The following ROS1 variants were observed in gnomAD, a reference collection of about 807,000 sequenced individuals.
ROS1 encodes ROS proto-oncogene 1, receptor tyrosine kinase, also known as proto-oncogene tyrosine-protein kinase ROS.
A neutral mutation model predicts 273.5 loss-of-function variants in ROS1; 263 were observed. The ratio of observed to expected loss-of-function variants is 0.96; its 90% CI spans 0.87 to 1.06. The LOEUF (loss-of-function observed/expected upper bound fraction) is 1.06, where lower values mean the gene tolerates loss of function less well. Among genes scored for constraint, ROS1 ranks in the 50% least tolerant of loss-of-function variants. The pLI is 0.00. For synonymous variants in ROS1, 1,008 were observed against 954.1 expected, an observed-to-expected ratio of 1.06 and a Z score of -1.04; for missense variants, 2,833 against 2,751.1, an observed-to-expected ratio of 1.03 and a Z score of -0.67.
intron 11 of ROS1, among the ~76,000 whole-genome samples, chr6:117,393,621 G>A (rs139840412): frequency 6.6e-6 from 1 of 152,178 alleles, no homozygotes; most frequent in African/African-American, 2.4e-5. Context: ...CACAGCAATG[G>A]CTGTTGCTTA....
chr6:117,390,858 G>GA (rs1394404893), intron 12 of ROS1, among the ~76,000 whole-genome samples: 1 of 152,000 alleles, frequency 6.6e-6, no homozygotes, highest in Non-Finnish European at 1.5e-5. Context: ...TTTTAATAAT[G>GA]AAAAAGAAAA....
At chr6:117,420,532 T>C (rs1775673033) in intron 1 of ROS1, among the ~76,000 whole-genome samples, 1 of 151,144 alleles carries the variant, frequency 6.6e-6, no homozygotes, top group Admixed American at 6.6e-5. Context: ...TATACATATG[T>C]AACAAAACTG....
At position 117,289,100 on chromosome 6, in the gene ROS1, G is replaced by C. The variant is rs1034109762; in HGVS notation, c.6716-298C>G. On this transcript the variant is annotated intron_variant, in intron 43 of 43. Coordinates refer to ENST00000368507, the MANE Select transcript of ROS1 (RefSeq NM_001378902.1). Reference sequence around the variant, plus strand: ...TATTTTTAAATGTAGTAGGAGCACAGGGGTGATTAACTCTGCCTTAACAAG... The same window carrying C: ...TATTTTTAAATGTAGTAGGAGCACACGGGTGATTAACTCTGCCTTAACAAG... 4.1e-4 allele frequency among the ~76,000 whole-genome samples: 63 copies of C among 152,234 alleles called. 2 individuals are homozygous for C. The highest frequency in any genetic ancestry group is 2.0e-4 in the Admixed American group (3 of 15,294).
chr6:117,318,402 A>T, intron 37 of ROS1, 150 bp from the exon 38 acceptor site: 2 of 625,622 alleles, frequency 3.2e-6, no homozygotes, highest in Non-Finnish European at 2.9e-6. Flanking sequence ...TATTCTACAA[A>T]CCCTTCAAAT....
rs2128623984 is a variant in ROS1, at chr6:117,342,482, C to G, written c.4569G>C (p.Gln1523His). Residue 1523 changes from glutamine to histidine, a missense_variant, in exon 29 of 44, where the codon CAG (glutamine) becomes CAC (histidine). Coordinates refer to ENST00000368507, the MANE Select transcript of ROS1 (RefSeq NM_001378902.1). ...CTGAATAATAATTTTTTACAGCTATCTGTATCATGTATGTTGAAAATGGTT... is the reference window on the plus strand; with the variant it reads ...CTGAATAATAATTTTTTACAGCTATGTGTATCATGTATGTTGAAAATGGTT... ...DLQPFSTYMI[Q>H]IAVKNYYSDP... 1 of 1,604,814 alleles carries G rather than the reference C, an allele frequency of 6.2e-7. No homozygotes were observed. The highest frequency in any genetic ancestry group is 2.2e-5 in the East Asian group (1 of 44,668).
chr6:117,409,456 G>A, intron 5 of ROS1, 126 bp downstream of exon 5: 1 of 709,006 alleles, frequency 1.4e-6, no homozygotes, highest in Non-Finnish European at 2.5e-6. Flanking sequence ...TCTCTAAATA[G>A]ATATTTTTGA....
chr6:117,363,148 G>T (rs1779946189), intron 21 of ROS1, among the ~76,000 whole-genome samples: 1 of 152,076 alleles, frequency 6.6e-6, no homozygotes. Context: ...TTTCTTGTCT[G>T]TGCCTTGTGT....
intron 5 of ROS1, among the ~76,000 whole-genome samples, chr6:117,408,001 G>A (rs551028788): frequency 2.0e-5 from 3 of 152,234 alleles, no homozygotes; most frequent in Admixed American, 2.0e-4. Context: ...GGGAATACTG[G>A]CTAGCCATAT....
intron 16 of ROS1, among the ~76,000 whole-genome samples, chr6:117,384,351 G>A (rs1770657743): frequency 6.6e-6 from 1 of 151,986 alleles, no homozygotes; most frequent in Non-Finnish European, 1.5e-5. Context: ...GTACATCAAT[G>A]GACACACTAA....
Position 117,356,839 on chromosome 6 carries a change from G to T in ROS1, c.3916C>A (p.Arg1306=), listed in dbSNP as rs1008170196. ...YYSIISHTLH[R]ILQPTATNQQ... ...TTTGTAGCTGTGGGTTGCAGAATTC[G>T]GTGCAAGGTGTGACTGATAATACTG... The change falls in exon 26 of 44, where the codon CGA becomes AGA. Residue 1306 remains arginine (R), a synonymous_variant. Coordinates refer to ENST00000368507, the MANE Select transcript of ROS1 (RefSeq NM_001378902.1). The T allele has an allele frequency of 1.2e-6, 2 of 1,613,906 alleles. No individual in the cohort carries two copies. Among genetic ancestry groups the T allele is most frequent in the Non-Finnish European group, 8.5e-7 (1 of 1,179,986 alleles).
intron 43 of ROS1, among the ~76,000 whole-genome samples, chr6:117,295,833 G>C (rs1057067472): frequency 6.6e-6 from 1 of 152,138 alleles, no homozygotes; most frequent in Admixed American, 6.5e-5. Context: ...TGAAAAGACA[G>C]GCAAGACAAA....
intron 18 of ROS1, among the ~76,000 whole-genome samples, chr6:117,369,371 A>T (rs1171135114): frequency 6.6e-6 from 1 of 152,188 alleles, no homozygotes; most frequent in Non-Finnish European, 1.5e-5. Flanking sequence ...TAAAGAAACC[A>T]GCTCTCCCTG....
intron 43 of ROS1, 62 bp from the exon 44 acceptor site, chr6:117,288,864 C>G (rs1238164979): frequency 7.7e-7 from 1 of 1,299,680 alleles, no homozygotes. Flanking sequence ...TAATAATATA[C>G]AAGCTATATC....
At chr6:117,328,701 T>C in intron 33 of ROS1, 3 of 609,374 alleles carry the variant, frequency 4.9e-6, no homozygotes, top group Non-Finnish European at 9.8e-6. Context: ...TCCCCTCAAG[T>C]TGGCATGAAA....
At chr6:117,378,036 G>A (rs1227797678) in intron 18 of ROS1, among the ~76,000 whole-genome samples, 4 of 152,184 alleles carry the variant, frequency 2.6e-5, no homozygotes, top group Admixed American at 2.6e-4. Flanking sequence ...GCCAACTGTT[G>A]AGAGGATATG....
At chr6:117,372,735 G>A (rs1321976208) in intron 18 of ROS1, among the ~76,000 whole-genome samples, 2 of 152,204 alleles carry the variant, frequency 1.3e-5, no homozygotes, top group African/African-American at 2.4e-5. Flanking sequence ...TAGACCTTCA[G>A]GGTAAGTGTT....
chr6:117,352,463 C>T lies in ROS1; in HGVS notation c.4303+527G>A, dbSNP rs116335686. ...ATAACACTAAAAACTTCATCAGTGA[C>T]ATTTTTTTTAAAAAAGATAAAAACT... On this transcript the variant is annotated intron_variant, in intron 27 of 43. Transcript: ENST00000368507. Among the ~76,000 whole-genome samples the T allele has an allele frequency of 5.8e-3, 877 of 152,128 alleles. 12 individuals are homozygous for T. Among genetic ancestry groups the T allele is most frequent in the African/African-American group, 0.02 (841 of 41,492 alleles).
chr6:117,364,992 T>C lies in ROS1; in HGVS notation c.3103+68A>G. The C allele has an allele frequency of 2.1e-6, 3 of 1,439,850 alleles. No homozygotes were observed. In the South Asian group the frequency reaches 3.6e-5, roughly 17 times the overall value. 89.2% of individuals were successfully genotyped at this position (1,439,850 alleles called of 1,614,324 possible). A position where few individuals can be genotyped will look rare whatever the true frequency, so the allele number is the denominator to read the frequency against. On this transcript the variant is annotated intron_variant, in intron 21 of 43. Coordinates refer to ENST00000368507, the MANE Select transcript of ROS1 (RefSeq NM_001378902.1). The stretch of plus-strand genomic sequence containing the variant: ...GAAAGTTATTTTTAAATATCAACTA[T>C]CCATTCCAGATCATGAAAAGTGAGA...
At chr6:117,294,178 A>G (rs1252540484) in intron 43 of ROS1, among the ~76,000 whole-genome samples, 1 of 152,174 alleles carries the variant, frequency 6.6e-6, no homozygotes, top group Non-Finnish European at 1.5e-5. Flanking sequence ...GAGGTTATAT[A>G]TGACAAATCC....
Sources: gnomAD v4.1 joint callset for allele counts (sites outside exome capture counted in the v4.1 genomes callset) on GRCh38, gnomAD v4.1.1 for gene constraint, MANE v1.5 for transcripts, NCBI Gene and HGNC (gene_info 2026-07-23, HGNC 2026-07-21) for gene names.